Variants in PLSCR2 observed in about 807,000 individuals in gnomAD.
PLSCR2 encodes PL scramblase 2.
PLSCR2 carries 18 observed loss-of-function variants against 25.3 expected under a neutral mutation model. The observed-to-expected ratio is 0.71, with a 90% CI of 0.49 to 1.06. The LOEUF is 1.06. Ranked by LOEUF, PLSCR2 falls within the 50% of genes least tolerant of loss-of-function variation. The pLI, the probability that PLSCR2 is intolerant of heterozygous loss-of-function variation, is 0.00. For synonymous variants in PLSCR2, 88 were observed against 87.3 expected (o/e 1.01, Z -0.04); for missense variants, 243 against 269.5 (o/e 0.90, Z 0.69).
intron 2 of PLSCR2, among the ~76,000 whole-genome samples, chr3:146,396,742 G>C (rs1255076551): frequency 1.3e-5 from 2 of 152,066 alleles, no homozygotes; most frequent in Admixed American, 6.6e-5. Flanking sequence ...AGACCAAAGA[G>C]GTTAGCAGGG....
At chr3:146,415,292 A>AT (rs1353256775) in intron 2 of PLSCR2, 3 of 152,308 alleles carry the variant, frequency 2.0e-5, no homozygotes, top group Admixed American at 1.3e-4. Flanking sequence ...AACATCTTTG[A>AT]TTTTTTTCTG....
downstream of PLSCR2, among the ~76,000 whole-genome samples, chr3:146,440,068 C>G (rs112385699): frequency 2.2e-3 from 329 of 152,280 alleles, 1 homozygote; most frequent in African/African-American, 7.5e-3. Flanking sequence ...TGGGTATCAC[C>G]AGTGGAGGCT....
At chr3:146,478,077 A>G (rs1301765847) in intron 1 of PLSCR2, among the ~76,000 whole-genome samples, 1 of 152,180 alleles carries the variant, frequency 6.6e-6, no homozygotes, top group Admixed American at 6.5e-5. Flanking sequence ...AACAAAAAGG[A>G]CATCTACACC....
chr3:146,471,554 T>G (rs1388661090), intron 1 of PLSCR2, among the ~76,000 whole-genome samples: 3 of 151,648 alleles, frequency 2.0e-5, no homozygotes, highest in African/African-American at 7.3e-5. Flanking sequence ...GTATGTTAAA[T>G]AAGATACAAT....
downstream of PLSCR2, chr3:146,441,759 T>C: frequency 1.3e-6 from 2 of 1,526,450 alleles, no homozygotes; most frequent in Non-Finnish European, 1.8e-6. Context: ...GAGACTTACA[T>C]TAATCCACTC....
chr3:146,463,404 G>A (rs931402596), upstream of PLSCR2, among the ~76,000 whole-genome samples: 1 of 151,818 alleles, frequency 6.6e-6, no homozygotes, highest in Non-Finnish European at 1.5e-5. Flanking sequence ...ATCTGCCCGC[G>A]TCGGCCTCCC....
intron 3 of PLSCR2, among the ~76,000 whole-genome samples, chr3:146,394,197 T>C (rs1269327482): frequency 6.6e-6 from 1 of 152,202 alleles, no homozygotes; most frequent in African/African-American, 2.4e-5. Context: ...TTTTTGGTCA[T>C]TAATTTAGAT....
chr3:146,425,480 G>T (rs1191168970), intron 2 of PLSCR2, among the ~76,000 whole-genome samples: 1 of 152,096 alleles, frequency 6.6e-6, no homozygotes, highest in Non-Finnish European at 1.5e-5. Flanking sequence ...TTCCACCATG[G>T]GTGTGGCTTC....
intron 1 of PLSCR2, among the ~76,000 whole-genome samples, chr3:146,491,560 A>T (rs751737895): frequency 2.6e-5 from 4 of 152,124 alleles, no homozygotes; most frequent in Non-Finnish European, 5.9e-5. Context: ...TTAAAAAAAT[A>T]TTAAATTTTG....
At chr3:146,435,223 A>C (rs960776960) in intron 8 of PLSCR2, among the ~76,000 whole-genome samples, 5 of 152,186 alleles carry the variant, frequency 3.3e-5, no homozygotes, top group African/African-American at 1.2e-4. Flanking sequence ...ATAGTGCCAC[A>C]ATAAACATAT....
intron 2 of PLSCR2, among the ~76,000 whole-genome samples, chr3:146,419,650 TGTTTTGTTTCAG>T (rs1054654495): frequency 5.3e-5 from 8 of 152,004 alleles, no homozygotes; most frequent in Admixed American, 3.3e-4. Flanking sequence ...ACAAAAAATA[TGTTTTGTTTCAG>T]GTTTTGTTTT....
intron 2 of PLSCR2, among the ~76,000 whole-genome samples, chr3:146,423,217 T>C (rs2039210090): frequency 8.1e-6 from 1 of 124,036 alleles, no homozygotes. Flanking sequence ...TTCTGTCTCT[T>C]TCCTCTCCTT....
upstream of PLSCR2, chr3:146,464,057 A>G (rs1277919729): frequency 6.5e-6 from 5 of 768,578 alleles, no homozygotes; most frequent in Non-Finnish European, 7.9e-6. Flanking sequence ...TCTTAGAACA[A>G]TCGGAATCCA....
chr3:146,464,288 T>A (rs542745788), upstream of PLSCR2, among the ~76,000 whole-genome samples: 418 of 152,312 alleles, frequency 2.7e-3, 2 homozygotes, highest in African/African-American at 9.6e-3. Context: ...GTGGGACTTT[T>A]CAGCATACAA....
chr3:146,462,242 G>GT (rs1342455976), upstream of PLSCR2, among the ~76,000 whole-genome samples: 3 of 151,566 alleles, frequency 2.0e-5, no homozygotes. Context: ...TCCCCTTCCT[G>GT]TTTTCACAGT....
intron 1 of PLSCR2, chr3:146,495,842 G>A (rs1272587680): frequency 2.1e-6 from 3 of 1,403,158 alleles, no homozygotes; most frequent in Non-Finnish European, 2.9e-6. Flanking sequence ...AGTAGTTATA[G>A]AGATCAACAT....
chr3:146,438,284 T>C (rs1333483212), downstream of PLSCR2, among the ~76,000 whole-genome samples: 2 of 152,194 alleles, frequency 1.3e-5, no homozygotes, highest in Non-Finnish European at 2.9e-5. Context: ...TAGATGTCTA[T>C]CAGGTCTGCT....
exon 5 of PLSCR2, chr3:146,454,137 T>A (rs766904693): frequency 1.9e-6 from 3 of 1,596,624 alleles, no homozygotes; most frequent in Non-Finnish European, 1.7e-6. Context: ...AACCTACTGG[T>A]ACACCAGGAG....
At chr3:146,474,740 T>C (rs941088448) in intron 1 of PLSCR2, among the ~76,000 whole-genome samples, 6 of 152,162 alleles carry the variant, frequency 3.9e-5, no homozygotes, top group Non-Finnish European at 8.8e-5. Flanking sequence ...TTTTCCAACT[T>C]CTTTTCATTC....
Sources: allele counts gnomAD v4.1 joint callset (sites outside exome capture counted in the v4.1 genomes callset), GRCh38; gene constraint gnomAD v4.1.1; transcripts MANE v1.5; gene names NCBI Gene and HGNC (gene_info 2026-07-23, HGNC 2026-07-21).